The following UNC13C variants were observed in gnomAD, a reference collection of about 807,000 sequenced individuals.
UNC13C encodes unc-13 homolog C.
In UNC13C, 174 loss-of-function variants were observed where a neutral mutation model predicts 245.4. The ratio of observed to expected loss-of-function variants is 0.71; its 90% CI spans 0.63 to 0.80. The LOEUF (loss-of-function observed/expected upper bound fraction) is 0.80. Ranked by LOEUF, UNC13C falls within the 30% of genes least tolerant of loss-of-function variation. The pLI is 0.00. For missense variants in UNC13C, 2,829 were observed against 2,602.9 expected, an observed-to-expected ratio of 1.09 and a Z score of -1.89; for synonymous variants, 992 against 895.1, an observed-to-expected ratio of 1.11 and a Z score of -1.93.
At chr15:53,943,165 A>C in the UNC13C span, among the ~76,000 whole-genome samples, 2 of 151,524 alleles carry the variant, frequency 1.3e-5, no homozygotes, top group East Asian at 1.9e-4. Context: ...ATGGTCAAAA[A>C]ATTTAATGAA....
intron 16 of UNC13C, among the ~76,000 whole-genome samples, chr15:54,336,596 G>A (rs772379757): frequency 6.6e-6 from 1 of 151,464 alleles, no homozygotes; most frequent in Non-Finnish European, 1.5e-5. Context: ...TTATATTTGG[G>A]CATATTTTTT....
At chr15:54,027,569 T>A (rs1409361092) in intron 2 of UNC13C, among the ~76,000 whole-genome samples, 3 of 152,026 alleles carry the variant, frequency 2.0e-5, no homozygotes, top group African/African-American at 7.2e-5. Flanking sequence ...TGGGGTTTTA[T>A]CATGTTGGCC....
rs547500050 is a variant in UNC13C, at chr15:54,501,582, C to T, written c.5301+604C>T. On this transcript the variant is annotated intron_variant, in intron 22 of 32. Coordinates refer to ENST00000260323, the MANE Select transcript of UNC13C (RefSeq NM_001080534.3). ...AGGGAAATATAAGAAATAAAAGAAGCAGCCACTGTCTATCAAATCTCAGAA... is the reference window on the plus strand; with the variant it reads ...AGGGAAATATAAGAAATAAAAGAAGTAGCCACTGTCTATCAAATCTCAGAA... Among the ~76,000 whole-genome samples the T allele has an allele frequency of 9.2e-5, 14 of 152,198 alleles. No homozygotes were observed. In the South Asian group the frequency reaches 2.9e-3, roughly 32 times the overall value.
intron 19 of UNC13C, among the ~76,000 whole-genome samples, chr15:54,469,281 C>G (rs951121723): frequency 1.3e-5 from 2 of 151,482 alleles, no homozygotes; most frequent in Non-Finnish European, 3.0e-5. Context: ...GTTTTGTATC[C>G]TGCAACTTCA....
intron 24 of UNC13C, among the ~76,000 whole-genome samples, chr15:54,523,280 T>C (rs1158433443): frequency 6.6e-6 from 1 of 152,194 alleles, no homozygotes; most frequent in Non-Finnish European, 1.5e-5. Flanking sequence ...TTGAAAAAGA[T>C]CTGCAATTTG....
At chr15:54,406,536 G>C (rs2040296831) in intron 18 of UNC13C, among the ~76,000 whole-genome samples, 1 of 152,106 alleles carries the variant, frequency 6.6e-6, no homozygotes, top group South Asian at 2.1e-4. Context: ...ATCCTGTCAG[G>C]AGAAATGTTT....
At chr15:54,199,989 G>C (rs896365512) in intron 4 of UNC13C, among the ~76,000 whole-genome samples, 4 of 152,060 alleles carry the variant, frequency 2.6e-5, no homozygotes, top group Non-Finnish European at 1.5e-5. Context: ...GGTGGAAAAA[G>C]ATATTCCATG....
chr15:54,158,618 C>A (rs1301907459), intron 4 of UNC13C, among the ~76,000 whole-genome samples: 1 of 151,872 alleles, frequency 6.6e-6, no homozygotes, highest in Non-Finnish European at 1.5e-5. Context: ...TGCGCTTGGC[C>A]TACTCTTTTT....
chr15:54,158,651 A>G (rs189587415), intron 4 of UNC13C, among the ~76,000 whole-genome samples: 11 of 149,614 alleles, frequency 7.4e-5, no homozygotes, highest in African/African-American at 2.5e-4. Context: ...TTTTCTTTTT[A>G]TTTTTTTTAA....
chr15:54,116,849 A>G (rs1179436311), intron 2 of UNC13C, among the ~76,000 whole-genome samples: 5 of 152,168 alleles, frequency 3.3e-5, no homozygotes, highest in Non-Finnish European at 7.3e-5. Flanking sequence ...GAACCTCCGT[A>G]TAGTTTTCCA....
intron 30 of UNC13C, among the ~76,000 whole-genome samples, chr15:54,599,298 A>G (rs1017959498): frequency 1.3e-5 from 2 of 152,106 alleles, no homozygotes; most frequent in African/African-American, 2.4e-5. Context: ...TTTCTAATAA[A>G]CATGAGGGTT....
chr15:54,202,045 G>A (rs773038106), intron 4 of UNC13C, among the ~76,000 whole-genome samples: 53 of 151,028 alleles, frequency 3.5e-4, no homozygotes, highest in Non-Finnish European at 6.6e-4. Context: ...ATCAAATCAA[G>A]AACTCAACCC....
intron 1 of UNC13C, among the ~76,000 whole-genome samples, chr15:53,987,269 A>C (rs1452932587): frequency 6.6e-6 from 1 of 152,130 alleles, no homozygotes; most frequent in South Asian, 2.1e-4. Context: ...GGGTAATTCA[A>C]ATTTTATTTT....
chr15:54,197,275 G>A (rs375360681), intron 4 of UNC13C, among the ~76,000 whole-genome samples: 2 of 150,902 alleles, frequency 1.3e-5, no homozygotes, highest in Admixed American at 1.3e-4. Flanking sequence ...TCAGGAGATC[G>A]AGACCAGCCT....
chr15:54,518,809 GGGTCAGACAGAGTA>G (rs1259572676), intron 24 of UNC13C, among the ~76,000 whole-genome samples: 8 of 152,140 alleles, frequency 5.3e-5, no homozygotes, highest in Admixed American at 3.3e-4. Context: ...ACAGCCAAAT[GGGTCAGACAGAGTA>G]GGTCAGGGGA....
In UNC13C at chr15:54,338,261, A is replaced by G. The variant is rs1038111339; in HGVS notation, c.4585-100A>G. On this transcript the variant is annotated intron_variant, in intron 16 of 32. Coordinates refer to ENST00000260323, the MANE Select transcript of UNC13C (RefSeq NM_001080534.3). ...GATGACACTTACTGAACATAGAAAAATCGACTGAAAGTATTTATTGAATAT... is the reference window on the plus strand; with the variant it reads ...GATGACACTTACTGAACATAGAAAAGTCGACTGAAAGTATTTATTGAATAT... 4.5e-6 allele frequency: 6 copies of G among 1,343,032 alleles called. No homozygotes were observed. The East Asian group carries it at 1.4e-4, about 31-fold the overall frequency. The allele number at this position is 1,343,032 out of a possible 1,614,324, so 83.2% of individuals were successfully genotyped here.
rs560366118 is a variant in UNC13C at position 54,457,257 on chromosome 15, A to G, written c.4934-37351A>G. 4.8e-4 allele frequency among the ~76,000 whole-genome samples: 73 copies of G among 152,184 alleles called. 1 individual carries two copies. The highest frequency in any genetic ancestry group is 1.7e-3 in the African/African-American group (72 of 41,512). On this transcript the variant is annotated intron_variant, in intron 19 of 32. Transcript: ENST00000260323. ...TTAATTATGGCATGTTATCTTTTTG[A>G]CATGCTTTTGGATTCAGATAGCTAG...
chr15:54,283,514 A>C (rs2037056219), intron 10 of UNC13C, among the ~76,000 whole-genome samples: 1 of 152,094 alleles, frequency 6.6e-6, no homozygotes, highest in African/African-American at 2.4e-5. Context: ...ACATTATTTA[A>C]TCAATCTCCT....
intron 19 of UNC13C, among the ~76,000 whole-genome samples, chr15:54,438,127 A>G (rs1890319950): frequency 6.6e-6 from 1 of 151,966 alleles, no homozygotes; most frequent in Non-Finnish European, 1.5e-5. Flanking sequence ...ATCTATAGAA[A>G]AAAAAGGACA....
Sources: gnomAD v4.1 joint callset for allele counts (sites outside exome capture counted in the v4.1 genomes callset) on GRCh38, gnomAD v4.1.1 for gene constraint, MANE v1.5 for transcripts, NCBI Gene and HGNC (gene_info 2026-07-23, HGNC 2026-07-21) for gene names.